LDLRAD4: variants seen among roughly 807,000 people sequenced by gnomAD.
LDLRAD4 encodes the protein low density lipoprotein receptor class A domain containing 4.
In LDLRAD4, 5 loss-of-function variants were observed where a neutral mutation model predicts 17.0. The ratio of observed to expected loss-of-function variants is 0.29; its 90% CI spans 0.15 to 0.62. The LOEUF is 0.62. LDLRAD4 is among the 20% of genes least tolerant of loss of function. LDLRAD4 has a pLI of 0.84. For synonymous variants in LDLRAD4, 168 were observed against 171.8 expected, an observed-to-expected ratio of 0.98 and a Z score of 0.17; for missense variants, 340 against 424.7, an observed-to-expected ratio of 0.80 and a Z score of 1.75.
intron 1 of LDLRAD4, among the ~76,000 whole-genome samples, chr18:13,317,502 G>T (rs2080993910): frequency 6.6e-6 from 1 of 152,164 alleles, no homozygotes; most frequent in South Asian, 2.1e-4. Context: ...ATTAATATTT[G>T]AAATTGGTTA....
chr18:13,557,113 C>T (rs1006322287), intron 3 of LDLRAD4, among the ~76,000 whole-genome samples: 8 of 151,394 alleles, frequency 5.3e-5, no homozygotes, highest in Admixed American at 3.9e-4. Context: ...TAGCCAACAC[C>T]GCAAACCCTA....
At position 13,609,961 on chromosome 18, in the gene LDLRAD4, G is replaced by A. The variant is rs74418596; in HGVS notation, c.182-11156G>A. ...TTCGCCACTGCACTCTAGCCTGGGC[G>A]ACACAGCAAGACTGCATCCAAAAAA... On this transcript the variant is annotated intron_variant, in intron 3 of 5. Transcript: ENST00000359446. Among the ~76,000 whole-genome samples the A allele has an allele frequency of 5.9e-5, 9 of 152,144 alleles. No homozygotes were observed. The East Asian group carries it at 1.5e-3, about 26-fold the overall frequency.
chr18:13,419,390 A>G (rs2089237715), intron 2 of LDLRAD4: 1 of 152,128 alleles, frequency 6.6e-6, no homozygotes, highest in South Asian at 2.1e-4. Context: ...CCTGATACCT[A>G]TCTTGGAGAT....
intron 3 of LDLRAD4, chr18:13,500,938 A>G (rs2093603733): frequency 6.6e-6 from 1 of 152,214 alleles, no homozygotes; most frequent in Non-Finnish European, 1.5e-5. Flanking sequence ...TTCAAATATT[A>G]TAACTAGGAA....
intron 1 of LDLRAD4, among the ~76,000 whole-genome samples, chr18:13,250,930 A>C (rs1183411905): frequency 6.6e-6 from 1 of 152,230 alleles, no homozygotes; most frequent in African/African-American, 2.4e-5. Context: ...ACAGCAAATA[A>C]AACCACAGGT....
At chr18:13,337,829 C>G (rs1001219996) in intron 1 of LDLRAD4, among the ~76,000 whole-genome samples, 5 of 151,820 alleles carry the variant, frequency 3.3e-5, no homozygotes, top group African/African-American at 9.7e-5. Flanking sequence ...CCACTGCTCT[C>G]CAGTCTGGGT....
chr18:13,362,858 G>T (rs556253292), intron 1 of LDLRAD4, among the ~76,000 whole-genome samples: 3 of 152,126 alleles, frequency 2.0e-5, no homozygotes, highest in Non-Finnish European at 2.9e-5. Context: ...GTACTTTTAT[G>T]CCTATAGAGA....
chr18:13,619,742 G>GGCCTCTGA (rs2040439094), intron 3 of LDLRAD4, among the ~76,000 whole-genome samples: 1 of 152,128 alleles, frequency 6.6e-6, no homozygotes, highest in Non-Finnish European at 1.5e-5. Context: ...CTCAGGGCAT[G>GGCCTCTGA]GCCTCTGAGC....
At chr18:13,402,031 C>T (rs143588081) in intron 2 of LDLRAD4, among the ~76,000 whole-genome samples, 11 of 152,322 alleles carry the variant, frequency 7.2e-5, no homozygotes, top group African/African-American at 1.7e-4. Context: ...TTTGCCAAAT[C>T]GCTCTTTCAT....
chr18:13,387,736 G>C lies in LDLRAD4; in HGVS notation c.14G>C (p.Gly5Ala), dbSNP rs2085936577. 1 of 1,614,072 alleles carries C rather than the reference G, an allele frequency of 6.2e-7. No individual in the cohort carries two copies. The highest frequency in any genetic ancestry group is 1.3e-5 in the African/African-American group (1 of 75,050). Residue 5 changes from glycine to alanine, a missense_variant, in exon 2 of 6, where the codon GGT becomes GCT. By Grantham distance (60) the Gly-to-Ala change is moderately conservative. Transcript: ENST00000359446. ...CCGGGGAGCAGTATGCCGGAAGCTG[G>C]TTTTCAGGCCACAAATGCTTTCACA...
chr18:13,506,204 A>G (rs3097643), intron 3 of LDLRAD4, among the ~76,000 whole-genome samples: 95,671 of 151,460 alleles, frequency 0.63, 31,003 homozygotes, highest in East Asian at 0.73. Flanking sequence ...CCAACCTGCG[A>G]GCAGCTGTTT....
At chr18:13,303,613 C>A (rs1396089471) in intron 1 of LDLRAD4, among the ~76,000 whole-genome samples, 1 of 152,040 alleles carries the variant, frequency 6.6e-6, no homozygotes, top group Non-Finnish European at 1.5e-5. Flanking sequence ...ATTACAGGTG[C>A]GAGCTACTGC....
chr18:13,541,114 C>T (rs1167965056), intron 3 of LDLRAD4, among the ~76,000 whole-genome samples: 2 of 152,170 alleles, frequency 1.3e-5, no homozygotes, highest in South Asian at 2.1e-4. Flanking sequence ...GCCAGCCCGA[C>T]CCCGCAAGGC....
chr18:13,364,372 C>G (rs559824589), intron 1 of LDLRAD4, among the ~76,000 whole-genome samples: 6 of 152,224 alleles, frequency 3.9e-5, no homozygotes, highest in Non-Finnish European at 7.4e-5. Flanking sequence ...AGGTCTTGCT[C>G]TGTCACCCAG....
intron 3 of LDLRAD4, among the ~76,000 whole-genome samples, chr18:13,582,656 T>C (rs571281399): frequency 1.3e-5 from 2 of 152,382 alleles, no homozygotes; most frequent in East Asian, 1.9e-4. Context: ...CGAGCTCTGC[T>C]CCTGGGTGGC....
intron 1 of LDLRAD4, among the ~76,000 whole-genome samples, chr18:13,372,579 A>T (rs2084597423): frequency 6.6e-6 from 1 of 152,190 alleles, no homozygotes; most frequent in Non-Finnish European, 1.5e-5. Context: ...TGGGAATGCT[A>T]GGCCGTCTGG....
At chr18:13,349,052 C>G (rs1354159848) in intron 1 of LDLRAD4, among the ~76,000 whole-genome samples, 2 of 152,238 alleles carry the variant, frequency 1.3e-5, no homozygotes, top group Non-Finnish European at 2.9e-5. Context: ...CCTGCTTTGG[C>G]TCACGCTCGG....
intron 5 of LDLRAD4, among the ~76,000 whole-genome samples, chr18:13,644,215 T>G (rs2149001534): frequency 6.6e-6 from 1 of 152,220 alleles, no homozygotes; most frequent in Admixed American, 6.5e-5. Context: ...AATTAATAAA[T>G]CGACCCAATG....
intron 3 of LDLRAD4, among the ~76,000 whole-genome samples, chr18:13,538,465 A>G (rs972078484): frequency 6.6e-6 from 1 of 152,112 alleles, no homozygotes; most frequent in Non-Finnish European, 1.5e-5. Flanking sequence ...AGAGAAAAAA[A>G]TGCAGCTTTC....
Sources: allele counts gnomAD v4.1 joint callset (sites outside exome capture counted in the v4.1 genomes callset), GRCh38; gene constraint gnomAD v4.1.1; transcripts MANE v1.5; gene names NCBI Gene and HGNC (gene_info 2026-07-23, HGNC 2026-07-21).